The following LCORL variants were observed in gnomAD, a reference collection of about 807,000 sequenced individuals.
LCORL encodes ligand dependent nuclear receptor corepressor like, also known as ligand-dependent nuclear receptor corepressor-like protein.
In LCORL, 41 loss-of-function variants were observed where a neutral mutation model predicts 141.8. The ratio of observed to expected loss-of-function variants is 0.29; its 90% CI spans 0.23 to 0.38. The LOEUF (loss-of-function observed/expected upper bound fraction) is 0.38. Among genes scored for constraint, LCORL ranks in the 10% least tolerant of loss-of-function variants. LCORL has a pLI of 1.00. For missense variants in LCORL, 1,759 were observed against 2,035.0 expected, an observed-to-expected ratio of 0.86 and a Z score of 2.61; for synonymous variants, 618 against 694.1, an observed-to-expected ratio of 0.89 and a Z score of 1.72.
intron 4 of LCORL, among the ~76,000 whole-genome samples, chr4:17,946,529 T>G (rs1009634176): frequency 1.3e-5 from 2 of 151,992 alleles, no homozygotes; most frequent in Non-Finnish European, 2.9e-5. Context: ...ATTTAAAACA[T>G]AAATGTATTA....
rs1300728383 is a variant in LCORL, at chr4:17,877,970, T to C, written c.1020A>G (p.Glu340=). The C allele has an allele frequency of 4.1e-6, 5 of 1,230,568 alleles. No homozygotes were observed. In the East Asian group the frequency reaches 1.3e-4, roughly 31 times the overall value. 76.2% of individuals were successfully genotyped at this position (1,230,568 alleles called of 1,614,324 possible). Residue 340 remains glutamate, a synonymous_variant, in exon 7 of 8, where the codon GAA becomes GAG. Transcript: ENST00000635767. The stretch of plus-strand genomic sequence containing the variant: ...AACAACCTCTTTCTGCCAGCCTATA[T>C]TCACAACTACAGAACAGACCACATA...
In LCORL at chr4:17,849,332, C is replaced by T. The variant is rs572131801; in HGVS notation, c.5603-3431G>A. Among the ~76,000 whole-genome samples the T allele has an allele frequency of 9.0e-4, 137 of 152,316 alleles. 1 individual carries two copies. The Middle Eastern group carries it at 0.024, about 26-fold the overall frequency. On this transcript the variant is annotated intron_variant, in intron 7 of 7. Transcript: ENST00000635767. ...GGGTACTCCTCTGAGACAAAACTTC[C>T]AGAGGAACAATCAGACAGCAGCATT...
chr4:17,916,593 G>C (rs1216806408), intron 4 of LCORL, among the ~76,000 whole-genome samples: 1 of 150,746 alleles, frequency 6.6e-6, no homozygotes, highest in African/African-American at 2.4e-5. Context: ...TGTCATGCTT[G>C]CACAGACTTA....
chr4:18,012,266 A>G (rs1723926520), intron 1 of LCORL, among the ~76,000 whole-genome samples: 1 of 152,178 alleles, frequency 6.6e-6, no homozygotes, highest in Non-Finnish European at 1.5e-5. Context: ...CACTCCTACC[A>G]ACAAGCATGG....
chr4:17,866,136 C>T (rs952401007), intron 7 of LCORL, among the ~76,000 whole-genome samples: 68 of 152,104 alleles, frequency 4.5e-4, no homozygotes, highest in African/African-American at 1.6e-3. Flanking sequence ...ATGACTTACA[C>T]CTCTAACCTG....
At chr4:17,966,843 C>T (rs1016599852) in intron 2 of LCORL, among the ~76,000 whole-genome samples, 1 of 152,076 alleles carries the variant, frequency 6.6e-6, no homozygotes, top group African/African-American at 2.4e-5. Context: ...GGTGGGAATG[C>T]GAAATGGTAC....
rs542546156 is a variant in LCORL, at chr4:17,896,549, T to A, written c.683-10388A>T. On this transcript the variant is annotated intron_variant, in intron 5 of 7. Coordinates refer to ENST00000635767, the Ensembl canonical transcript of LCORL. ...CACCCGCCTTGGCCTTCCAAAGTGA[T>A]GGGATTACAGGTGTGAGCCACCACG... Among the ~76,000 whole-genome samples the A allele has an allele frequency of 3.3e-5, 5 of 152,274 alleles. No individual in the cohort carries two copies. The South Asian group carries it at 1.0e-3, about 32-fold the overall frequency.
chr4:17,895,369 C>T (rs2109269223), intron 5 of LCORL, among the ~76,000 whole-genome samples: 1 of 152,182 alleles, frequency 6.6e-6, no homozygotes, highest in African/African-American at 2.4e-5. Context: ...ATGAGATCGA[C>T]TTTATTTAGA....
intron 4 of LCORL, among the ~76,000 whole-genome samples, chr4:17,942,962 A>C (rs1047444387): frequency 6.6e-6 from 1 of 152,190 alleles, no homozygotes; most frequent in Non-Finnish European, 1.5e-5. Flanking sequence ...AGAGGAATCT[A>C]GGTTGCATAC....
chr4:17,846,238 A>C (rs556406317), intron 7 of LCORL, among the ~76,000 whole-genome samples: 271 of 152,274 alleles, frequency 1.8e-3, no homozygotes, highest in African/African-American at 6.3e-3. Flanking sequence ...GATCAGAATG[A>C]GAGCCACTTT....
chr4:17,964,287 A>G (rs1385305085), intron 2 of LCORL, among the ~76,000 whole-genome samples: 1 of 152,114 alleles, frequency 6.6e-6, no homozygotes, highest in Non-Finnish European at 1.5e-5. Context: ...TTACTAGTTT[A>G]AGCTTTTCAA....
chr4:17,970,953 G>A (rs1296753895), intron 2 of LCORL, among the ~76,000 whole-genome samples: 5 of 152,002 alleles, frequency 3.3e-5, no homozygotes, highest in Admixed American at 6.6e-5. Context: ...TTCCACACTA[G>A]CATTACACAT....
chr4:17,850,480 C>A (rs1023350653), intron 7 of LCORL, among the ~76,000 whole-genome samples: 33 of 152,306 alleles, frequency 2.2e-4, no homozygotes, highest in African/African-American at 7.2e-4. Flanking sequence ...CATGAACAGA[C>A]ACTTCTCAAA....
intron 4 of LCORL, among the ~76,000 whole-genome samples, chr4:17,956,947 T>C (rs1001457047): frequency 6.6e-6 from 1 of 151,754 alleles, no homozygotes; most frequent in African/African-American, 2.4e-5. Flanking sequence ...AAAATAAATA[T>C]TGGAATGAGA....
At chr4:17,942,245 G>A (rs1454570418) in intron 4 of LCORL, among the ~76,000 whole-genome samples, 1 of 152,106 alleles carries the variant, frequency 6.6e-6, no homozygotes, top group East Asian at 1.9e-4. Flanking sequence ...TCAATTCTAA[G>A]TCAGTTAAGT....
chr4:17,966,676 C>T (rs1357846951), intron 2 of LCORL, among the ~76,000 whole-genome samples: 1 of 152,026 alleles, frequency 6.6e-6, no homozygotes, highest in African/African-American at 2.4e-5. Flanking sequence ...ATAGTGGCAA[C>T]CAAGCATATG....
intron 1 of LCORL, among the ~76,000 whole-genome samples, chr4:18,001,288 G>A (rs1460339609): frequency 1.4e-5 from 2 of 143,294 alleles, no homozygotes; most frequent in African/African-American, 5.6e-5. Flanking sequence ...CCTGGCATAA[G>A]TATTAATAGA....
chr4:17,999,966 T>C lies in LCORL; in HGVS notation c.154+21632A>G, dbSNP rs146893301. 2.8e-4 allele frequency among the ~76,000 whole-genome samples: 43 copies of C among 152,200 alleles called. 1 individual carries two copies. The highest frequency in any genetic ancestry group is 9.4e-4 in the African/African-American group (39 of 41,534). On this transcript the variant is annotated intron_variant, in intron 1 of 7. Coordinates refer to ENST00000635767, the Ensembl canonical transcript of LCORL. ...AATACTTTATACAATAGCTGTGGGGTAGAATGAGTGTACAAAAGGGATAAG... is the reference window on the plus strand; with the variant it reads ...AATACTTTATACAATAGCTGTGGGGCAGAATGAGTGTACAAAAGGGATAAG...
At chr4:17,843,645 A>AATCT (rs200438771) in exon 8 of LCORL, 151 of 371,950 alleles carry the variant, frequency 4.1e-4, no homozygotes, top group African/African-American at 2.6e-3. Context: ...GATTTATCAC[A>AATCT]ATCTGAGGTG....
Sources: allele counts gnomAD v4.1 joint callset (sites outside exome capture counted in the v4.1 genomes callset), GRCh38; gene constraint gnomAD v4.1.1; transcripts MANE v1.5; gene names NCBI Gene and HGNC (gene_info 2026-07-23, HGNC 2026-07-21).